The following FAT1 variants were observed in gnomAD, a reference collection of about 807,000 sequenced individuals.
FAT1 encodes FAT atypical cadherin 1.
FAT1 carries 171 observed loss-of-function variants against 329.8 expected under a neutral mutation model. That is an observed-to-expected ratio of 0.52 (90% CI 0.46 to 0.59). The LOEUF is 0.59. FAT1 is among the 20% of genes least tolerant of loss of function. FAT1 has a pLI of 0.00. For synonymous variants in FAT1, 2,233 were observed against 2,228.6 expected, an observed-to-expected ratio of 1.00 and a Z score of -0.06; for missense variants, 5,672 against 5,774.4, an observed-to-expected ratio of 0.98 and a Z score of 0.57.
chr4:186,665,800 T>A (rs529337285), intron 2 of FAT1, among the ~76,000 whole-genome samples: 1 of 152,102 alleles, frequency 6.6e-6, no homozygotes, highest in East Asian at 1.9e-4. Flanking sequence ...TGTCCATCAG[T>A]GATAGACCGG....
intron 1 of FAT1, among the ~76,000 whole-genome samples, chr4:186,713,288 T>C (rs1745050183): frequency 6.6e-6 from 1 of 152,242 alleles, no homozygotes; most frequent in African/African-American, 2.4e-5. Flanking sequence ...ATCTGGACAG[T>C]TTCCAGAAGT....
chr4:186,683,656 A>G (rs1013066117), intron 2 of FAT1, among the ~76,000 whole-genome samples: 1 of 152,030 alleles, frequency 6.6e-6, no homozygotes, highest in Non-Finnish European at 1.5e-5. Context: ...GAGCAGGCAC[A>G]CTTGCCACTC....
intron 3 of FAT1, among the ~76,000 whole-genome samples, chr4:186,659,876 C>G (rs180824395): frequency 6.7e-6 from 1 of 149,964 alleles, no homozygotes; most frequent in Non-Finnish European, 1.5e-5. Flanking sequence ...GTCCCCTGAA[C>G]GACCCTGGGT....
Position 186,600,357 on chromosome 4 carries a change from G to C in FAT1, c.11644C>G (p.His3882Asp), listed in dbSNP as rs1451867464. 6.2e-7 allele frequency: 1 copy of C among 1,608,542 alleles called. No homozygotes were observed. Among genetic ancestry groups the C allele is most frequent in the Non-Finnish European group, 8.5e-7 (1 of 1,176,952 alleles). ...AACTTGTACTGCAGCCTTCCATGATGAATCTAGGATAAAAGCAATGACTGT... is the reference window on the plus strand; with the variant it reads ...AACTTGTACTGCAGCCTTCCATGATCAATCTAGGATAAAAGCAATGACTGT... The part of the protein sequence containing the change: ...RGTDYSILEI[H>D]HGRLQYKFDC... Residue 3882 changes from histidine (H) to aspartate (D), a missense_variant, in exon 22 of 27, where the codon CAT (histidine) becomes GAT (aspartate). Physicochemically the swap from His to Asp is moderately conservative, Grantham distance 81. Transcript: ENST00000441802.
In FAT1 at chr4:186,708,480, AGACCTTGGTG is replaced by A; in HGVS notation, c.1338_1347del (p.Thr447TrpfsTer2). Reference sequence around the variant, plus strand: ...CTATTTGCACCTAAGACTTTCACCAAGACCTTGGTGGACGCTTTTCTGTCACTTGTTGTTA... The same window carrying A: ...CTATTTGCACCTAAGACTTTCACCAAGACGCTTTTCTGTCACTTGTTGTTA... On this transcript the variant is annotated frameshift_variant, in exon 2 of 27. Coordinates refer to ENST00000441802, the MANE Select transcript of FAT1 (RefSeq NM_005245.4). LOFTEE classifies it high-confidence loss of function. 1 of 1,614,008 alleles carries A rather than the reference AGACCTTGGTG, an allele frequency of 6.2e-7. No individual in the cohort carries two copies. Among genetic ancestry groups the A allele is most frequent in the East Asian group, 2.2e-5 (1 of 44,876 alleles).
intron 4 of FAT1, among the ~76,000 whole-genome samples, chr4:186,638,582 C>A (rs1251915406): frequency 1.3e-5 from 2 of 151,548 alleles, no homozygotes; most frequent in African/African-American, 4.9e-5. Flanking sequence ...GCTGTGAAAC[C>A]ACCTTTTCCA....
intron 1 of FAT1, among the ~76,000 whole-genome samples, chr4:186,713,725 G>T (rs756906459): frequency 1.3e-5 from 2 of 151,906 alleles, no homozygotes; most frequent in African/African-American, 4.8e-5. Context: ...GCGCGATCAC[G>T]GCTCACTGAA....
chr4:186,636,928 G>A lies in FAT1; in HGVS notation c.3643-14C>T. 1.3e-6 allele frequency: 2 copies of A among 1,579,918 alleles called. No individual in the cohort carries two copies. Among genetic ancestry groups the A allele is most frequent in the Non-Finnish European group, 1.7e-6 (2 of 1,165,280 alleles). On this transcript the variant is annotated splice_polypyrimidine_tract_variant and intron_variant, in intron 4 of 26. Transcript: ENST00000441802. ...TGTCACAGTAACCTGTTTTTTTAAA[G>A]TTAACAGATTAACATGTTAAGATAT...
rs374255040 is a variant in FAT1, at chr4:186,595,840, T to C, written c.13001-14A>G. On this transcript the variant is annotated splice_polypyrimidine_tract_variant and intron_variant, in intron 25 of 26. Coordinates refer to ENST00000441802, the MANE Select transcript of FAT1 (RefSeq NM_005245.4). ...CCACCACTTTTGCTAAAAGGAAGGA[T>C]GACAAACAGTAAGTATATGGGCCAA... 1.5e-5 allele frequency: 24 copies of C among 1,613,580 alleles called. No homozygotes were observed. In the African/African-American group the frequency reaches 1.7e-4, roughly 12 times the overall value.
At chr4:186,591,496 G>A (rs762944353) in intron 26 of FAT1, among the ~76,000 whole-genome samples, 35 of 152,316 alleles carry the variant, frequency 2.3e-4, no homozygotes, top group Middle Eastern at 3.4e-3. Flanking sequence ...CTTTTGTTAC[G>A]TAGGCACTAG....
At chr4:186,645,107 G>A (rs1238762190) in intron 3 of FAT1, among the ~76,000 whole-genome samples, 1 of 152,128 alleles carries the variant, frequency 6.6e-6, no homozygotes, top group Non-Finnish European at 1.5e-5. Flanking sequence ...TTGGTTGGAA[G>A]AGAAGACACG....
At chr4:186,660,788 T>C (rs1180085691) in intron 3 of FAT1, among the ~76,000 whole-genome samples, 1 of 152,192 alleles carries the variant, frequency 6.6e-6, no homozygotes, top group Admixed American at 6.5e-5. Flanking sequence ...CATAACACCA[T>C]AGCAGACACA....
intron 7 of FAT1, among the ~76,000 whole-genome samples, chr4:186,629,465 GAAAC>G (rs766394955): frequency 2.6e-4 from 39 of 152,132 alleles, no homozygotes; most frequent in East Asian, 7.7e-4. Context: ...AGCTAAATTA[GAAAC>G]AAACAAAACT....
At chr4:186,721,853 CTCT>C (rs1440245864) in intron 1 of FAT1, among the ~76,000 whole-genome samples, 1 of 152,126 alleles carries the variant, frequency 6.6e-6, no homozygotes, top group Non-Finnish European at 1.5e-5. Context: ...GATTTTTCTT[CTCT>C]TCTTTTTCTT....
In FAT1 at chr4:186,596,223, G is replaced by A. The variant is rs888033071; in HGVS notation, c.13000+317C>T. Among the ~76,000 whole-genome samples, 4 of 152,046 alleles carry A rather than the reference G, an allele frequency of 2.6e-5. No homozygotes were observed. Among genetic ancestry groups the A allele is most frequent in the African/African-American group, 9.7e-5 (4 of 41,390 alleles). The stretch of plus-strand genomic sequence containing the variant: ...TTTTTAAAAATCCTAGCATGAAAAT[G>A]CTCCCGATTATTTTTTTGACATATT... On this transcript the variant is annotated intron_variant, in intron 25 of 26. Transcript: ENST00000441802. The surrounding 1 kb of genome is among the most constrained non-coding windows in gnomAD (Gnocchi z 4.7).
chr4:186,716,415 A>T (rs1745206674), intron 1 of FAT1, among the ~76,000 whole-genome samples: 1 of 151,688 alleles, frequency 6.6e-6, no homozygotes, highest in South Asian at 2.1e-4. Flanking sequence ...TTTTTAAGAG[A>T]TCTCTAAATT....
intron 11 of FAT1, among the ~76,000 whole-genome samples, chr4:186,615,950 G>T (rs1268852442): frequency 6.6e-6 from 1 of 152,086 alleles, no homozygotes; most frequent in East Asian, 1.9e-4. Flanking sequence ...ACTCAACACG[G>T]AACTCCTCTA....
chr4:186,721,058 G>A (rs1745449817), intron 1 of FAT1, among the ~76,000 whole-genome samples: 2 of 152,146 alleles, frequency 1.3e-5, no homozygotes, highest in African/African-American at 4.8e-5. Context: ...CTGTGTTGCA[G>A]ATTATCACAA....
At position 186,603,171 on chromosome 4, in the gene FAT1, A is replaced by G. The variant is rs1452640564; in HGVS notation, c.11350+5T>C. Reference sequence around the variant, plus strand: ...CACCGACTTTCATACACTCATGTGCAGTACCTTTGCAGAGACACACCGCTG... The same window carrying G: ...CACCGACTTTCATACACTCATGTGCGGTACCTTTGCAGAGACACACCGCTG... On this transcript the variant is annotated splice_donor_5th_base_variant and intron_variant, in intron 19 of 26. Coordinates refer to ENST00000441802, the MANE Select transcript of FAT1 (RefSeq NM_005245.4). 3 of 1,613,530 alleles carry G rather than the reference A, an allele frequency of 1.9e-6. No homozygotes were observed. Among genetic ancestry groups the G allele is most frequent in the Admixed American group, 3.3e-5 (2 of 59,988 alleles).
Sources: gnomAD v4.1 joint callset for allele counts (sites outside exome capture counted in the v4.1 genomes callset) on GRCh38, gnomAD v4.1.1 for gene constraint, Gnocchi (gnomAD v3.1) non-coding constraint, MANE v1.5 for transcripts, NCBI Gene and HGNC (gene_info 2026-07-23, HGNC 2026-07-21) for gene names.